The following SLX4IP variants were observed in gnomAD, a reference collection of about 807,000 sequenced individuals.
The protein encoded by SLX4IP is SLX4 interacting protein, also known as protein SLX4IP.
In SLX4IP, 34 loss-of-function variants were observed where a neutral mutation model predicts 32.9. The observed-to-expected ratio is 1.03, with a 90% CI of 0.79 to 1.38. SLX4IP has a LOEUF of 1.38. Ranked by LOEUF, SLX4IP falls within the 40% of genes most tolerant of loss-of-function variation. SLX4IP has a pLI of 0.00. For missense variants in SLX4IP, 444 were observed against 479.0 expected, an observed-to-expected ratio of 0.93 and a Z score of 0.68; for synonymous variants, 172 against 171.7, an observed-to-expected ratio of 1.00 and a Z score of -0.01.
chr20:10,610,715 T>C (rs1348482236), intron 6 of SLX4IP, among the ~76,000 whole-genome samples: 1 of 152,246 alleles, frequency 6.6e-6, no homozygotes, highest in Non-Finnish European at 1.5e-5. Context: ...GTGGAATTCA[T>C]GCGATGCCAC....
rs183329616 is a variant in SLX4IP at position 10,476,479 on chromosome 20, A to G, written c.27+18248A>G. 3.3e-5 allele frequency among the ~76,000 whole-genome samples: 5 copies of G among 152,312 alleles called. No homozygotes were observed. The East Asian group carries it at 9.6e-4, about 29-fold the overall frequency. On this transcript the variant is annotated intron_variant, in intron 2 of 7. Coordinates refer to ENST00000334534, the MANE Select transcript of SLX4IP (RefSeq NM_001009608.3). ...TTGTCACCAAGTAGTACTGCTAGCCATTGTGCAAAGTCTACCAACAGCTGA... is the reference window on the plus strand; with the variant it reads ...TTGTCACCAAGTAGTACTGCTAGCCGTTGTGCAAAGTCTACCAACAGCTGA...
At chr20:10,473,740 T>C (rs955434174) in intron 2 of SLX4IP, among the ~76,000 whole-genome samples, 1 of 152,058 alleles carries the variant, frequency 6.6e-6, no homozygotes, top group Admixed American at 6.6e-5. Context: ...GTAGCTGGGA[T>C]TACAGGCGCC....
At chr20:10,496,245 T>C (rs1034123376) in intron 2 of SLX4IP, among the ~76,000 whole-genome samples, 1 of 152,158 alleles carries the variant, frequency 6.6e-6, no homozygotes, top group African/African-American at 2.4e-5. Flanking sequence ...CAAGTCAGGG[T>C]ATCCATCACC....
chr20:10,559,907 G>A (rs1487715423), intron 3 of SLX4IP, among the ~76,000 whole-genome samples: 1 of 152,152 alleles, frequency 6.6e-6, no homozygotes, highest in African/African-American at 2.4e-5. Context: ...CAACAAGAGC[G>A]TAGAAGAAAA....
chr20:10,556,409 G>A, intron 3 of SLX4IP, 89 bp downstream of exon 3: 2 of 1,306,990 alleles, frequency 1.5e-6, no homozygotes, highest in African/African-American at 1.5e-5. Context: ...TTCTGTTAGT[G>A]GGAAAAAAAT....
intron 6 of SLX4IP, 136 bp from the exon 7 acceptor site, chr20:10,621,178 A>C: frequency 1.3e-6 from 1 of 751,888 alleles, no homozygotes; most frequent in Non-Finnish European, 2.2e-6. Flanking sequence ...AAAAGGTTAA[A>C]ATAGCTTACC....
chr20:10,489,481 A>G (rs1036133109), intron 2 of SLX4IP, among the ~76,000 whole-genome samples: 1 of 152,164 alleles, frequency 6.6e-6, no homozygotes, highest in African/African-American at 2.4e-5. Context: ...AATGGGCCTT[A>G]AACTTGCCAT....
chr20:10,505,333 T>C (rs2065750163), intron 2 of SLX4IP, among the ~76,000 whole-genome samples: 1 of 152,252 alleles, frequency 6.6e-6, no homozygotes, highest in Admixed American at 6.5e-5. Flanking sequence ...TTTTCACTTA[T>C]ATCTTGTCTG....
intron 1 of SLX4IP, among the ~76,000 whole-genome samples, chr20:10,435,795 G>A (rs1047726278): frequency 2.0e-5 from 3 of 152,104 alleles, no homozygotes; most frequent in African/African-American, 7.2e-5. Flanking sequence ...GGAGATGTGA[G>A]GTAAATACAG....
At position 10,625,934 on chromosome 20, in the gene SLX4IP, G is replaced by T. The variant is rs1300168568; in HGVS notation, c.*2555G>T. On this transcript the variant is annotated 3_prime_UTR_variant, in exon 8 of 8. Transcript: ENST00000334534. The stretch of plus-strand genomic sequence containing the variant: ...ACAAAGGGGTAAATGGATGCCAGGG[G>T]TTTTTTGTTGTTGTTGCTTATTAGG... 1 of 151,500 alleles carries T rather than the reference G, an allele frequency of 6.6e-6. No individual in the cohort carries two copies. Among genetic ancestry groups the T allele is most frequent in the Non-Finnish European group, 1.5e-5 (1 of 67,924 alleles). The allele number at this position is 151,500 out of a possible 1,614,324, so 9.4% of individuals were successfully genotyped here.
intron 1 of SLX4IP, among the ~76,000 whole-genome samples, chr20:10,450,650 CAAACATTA>C (rs2065233730): frequency 6.6e-6 from 1 of 152,168 alleles, no homozygotes; most frequent in African/African-American, 2.4e-5. Flanking sequence ...ACATAGGAGG[CAAACATTA>C]AAACATTAAA....
At chr20:10,579,165 T>C (rs1220489273) in intron 4 of SLX4IP, among the ~76,000 whole-genome samples, 2 of 152,180 alleles carry the variant, frequency 1.3e-5, no homozygotes, top group Non-Finnish European at 2.9e-5. Context: ...AAAATGTACA[T>C]CTATTTTTTA....
At chr20:10,447,181 T>G (rs1179402207) in intron 1 of SLX4IP, among the ~76,000 whole-genome samples, 1 of 152,218 alleles carries the variant, frequency 6.6e-6, no homozygotes, top group Non-Finnish European at 1.5e-5. Context: ...CACACTAATT[T>G]CACAGTGCTG....
At chr20:10,529,354 C>A (rs573309224) in intron 2 of SLX4IP, among the ~76,000 whole-genome samples, 1 of 151,842 alleles carries the variant, frequency 6.6e-6, no homozygotes, top group South Asian at 2.1e-4. Context: ...TTTGGGAGGC[C>A]GAGGCGGGTG....
In SLX4IP at chr20:10,625,497, C is replaced by G. The variant is rs1216952420; in HGVS notation, c.*2118C>G. 6.6e-6 allele frequency: 1 copy of G among 152,074 alleles called. No individual in the cohort carries two copies. The highest frequency in any genetic ancestry group is 1.5e-5 in the Non-Finnish European group (1 of 68,008). 9.4% of individuals were successfully genotyped at this position (152,074 alleles called of 1,614,324 possible). A position where few individuals can be genotyped will look rare whatever the true frequency, so the allele number is the denominator to read the frequency against. The stretch of plus-strand genomic sequence containing the variant: ...TTGTTCTGTTGGTTTTTTGTTATTT[C>G]TGTTTTCTTCTAATCTTTCTCTGAA... On this transcript the variant is annotated 3_prime_UTR_variant, in exon 8 of 8. Transcript: ENST00000334534.
chr20:10,444,193 G>A (rs1397911611), intron 1 of SLX4IP, among the ~76,000 whole-genome samples: 1 of 152,206 alleles, frequency 6.6e-6, no homozygotes, highest in African/African-American at 2.4e-5. Context: ...GGTACTTTAA[G>A]AGGCTGTAGT....
intron 4 of SLX4IP, among the ~76,000 whole-genome samples, 200 bp from the exon 5 acceptor site, chr20:10,598,475 G>A (rs2066799556): frequency 1.3e-5 from 2 of 152,186 alleles, no homozygotes; most frequent in Non-Finnish European, 2.9e-5. Context: ...TGTTGGCCAG[G>A]CTGGTCTCGA....
intron 2 of SLX4IP, among the ~76,000 whole-genome samples, chr20:10,518,932 A>G (rs900007107): frequency 1.5e-4 from 23 of 152,192 alleles, no homozygotes; most frequent in Non-Finnish European, 8.8e-5. Context: ...TGCTGGCCAC[A>G]GAAAGGTAGT....
At chr20:10,582,438 A>G (rs1187567926) in intron 4 of SLX4IP, among the ~76,000 whole-genome samples, 1 of 152,176 alleles carries the variant, frequency 6.6e-6, no homozygotes, top group Non-Finnish European at 1.5e-5. Context: ...CTCAGCTTTC[A>G]GATTTCCCCA....
Sources: gnomAD v4.1 joint callset for allele counts (sites outside exome capture counted in the v4.1 genomes callset) on GRCh38, gnomAD v4.1.1 for gene constraint, MANE v1.5 for transcripts, NCBI Gene and HGNC (gene_info 2026-07-23, HGNC 2026-07-21) for gene names.